Variants in PWWP3B observed in about 807,000 individuals in gnomAD.
PWWP3B encodes PWWP domain containing 3B.
Under a neutral mutation model 15.7 loss-of-function variants are expected in PWWP3B, and 5 were observed. The ratio of observed to expected loss-of-function variants is 0.32; its 90% CI spans 0.17 to 0.67. The LOEUF is 0.67. PWWP3B is among the 30% of genes least tolerant of loss of function. The pLI, the probability that PWWP3B is intolerant of heterozygous loss-of-function variation, is 0.74. For missense variants in PWWP3B, 519 were observed against 493.1 expected, an observed-to-expected ratio of 1.05 and a Z score of -0.50; for synonymous variants, 203 against 179.8, an observed-to-expected ratio of 1.13 and a Z score of -1.03.
At chrX:106,179,382 CAAAG>C (rs1464845438) in intron 2 of PWWP3B, among the ~76,000 whole-genome samples, 11 of 112,016 alleles carry the variant, frequency 9.8e-5, no homozygotes, top group African/African-American at 3.6e-4. Context: ...ACATAACTGA[CAAAG>C]AGAGCATTTC....
chrX:106,192,040 A>T (rs1276361353), intron 2 of PWWP3B, among the ~76,000 whole-genome samples: 1 of 111,656 alleles, frequency 9.0e-6, no homozygotes, highest in African/African-American at 3.3e-5. Context: ...TGGTATCAGG[A>T]TGATGCTGGC....
intron 2 of PWWP3B, among the ~76,000 whole-genome samples, chrX:106,201,110 A>G (rs903109599): frequency 2.7e-5 from 3 of 111,632 alleles, no homozygotes; most frequent in African/African-American, 9.7e-5. Flanking sequence ...TTAATTATCG[A>G]TGAGGGCATA....
At chrX:106,191,418 T>G (rs2147614926) in intron 2 of PWWP3B, among the ~76,000 whole-genome samples, 1 of 111,954 alleles carries the variant, frequency 8.9e-6, no homozygotes, top group Admixed American at 9.5e-5. Flanking sequence ...TGAAGTTGCT[T>G]ATCAGCTTGA....
chrX:106,177,313 G>C (rs960442289), intron 2 of PWWP3B: 9 of 112,866 alleles, frequency 8.0e-5, no homozygotes, highest in Non-Finnish European at 1.7e-4. Context: ...CCAGTATTGG[G>C]GGAGGGGCAG....
At chrX:106,187,081 C>T (rs1395831850) in intron 2 of PWWP3B, among the ~76,000 whole-genome samples, 2 of 111,745 alleles carry the variant, frequency 1.8e-5, no homozygotes, top group African/African-American at 6.5e-5. Flanking sequence ...TAATTTTTGT[C>T]CTGTCCTGGT....
intron 2 of PWWP3B, among the ~76,000 whole-genome samples, chrX:106,191,285 G>T (rs1365281838): frequency 2.7e-5 from 3 of 110,346 alleles, no homozygotes; most frequent in Non-Finnish European, 5.7e-5. Context: ...GGATTCCTAG[G>T]TATTTTATTC....
At chrX:106,174,257 G>C (rs1388311117) in intron 2 of PWWP3B, among the ~76,000 whole-genome samples, 1 of 111,693 alleles carries the variant, frequency 9.0e-6, no homozygotes, top group Non-Finnish European at 1.9e-5. Context: ...TGTGGCAGGA[G>C]ATGTGTTTAC....
intron 2 of PWWP3B, among the ~76,000 whole-genome samples, chrX:106,181,810 G>C (rs1911857712): frequency 8.9e-6 from 1 of 111,867 alleles, no homozygotes. Context: ...CTCATTTGGG[G>C]TTCCATTTGT....
At position 106,200,849 on chromosome X, in the gene PWWP3B, T is replaced by A. The variant is rs181500570; in HGVS notation, c.-400-3136T>A. 2.7e-5 allele frequency among the ~76,000 whole-genome samples: 3 copies of A among 109,994 alleles called. No homozygotes were observed. In the East Asian group the frequency reaches 8.6e-4, roughly 31 times the overall value. ...GGATCATGAGGTCAGGAGATCGAGA[T>A]CATCCTGGCTAACACGGTGAAACCC... is the stretch of plus-strand genomic sequence containing the variant. On this transcript the variant is annotated intron_variant, in intron 2 of 3. Coordinates refer to ENST00000357175, the MANE Select transcript of PWWP3B (RefSeq NM_001171020.2).
In PWWP3B at chrX:106,203,018, T is replaced by A. The variant is rs191964248; in HGVS notation, c.-400-967T>A. On this transcript the variant is annotated intron_variant, in intron 2 of 3. Coordinates refer to ENST00000357175, the MANE Select transcript of PWWP3B (RefSeq NM_001171020.2). ...ATCTTCGGGGAAATATTGAGATAAA[T>A]GCTACAGGCTTGGGGGAAAACCTCA... 4.5e-4 allele frequency among the ~76,000 whole-genome samples: 50 copies of A among 111,478 alleles called. No individual in the cohort carries two copies. In the East Asian group the frequency reaches 0.014, roughly 30 times the overall value.
At position 106,208,051 on chromosome X, in the gene PWWP3B, C is replaced by T. The variant is rs1924147981; in HGVS notation, c.*528C>T. 1 of 123,616 alleles carries T rather than the reference C, an allele frequency of 8.1e-6. No homozygotes were observed. The highest frequency in any genetic ancestry group is 1.9e-5 in the Non-Finnish European group (1 of 53,426). 10.2% of individuals were successfully genotyped at this position (123,616 alleles called of 1,213,427 possible). ...AAAAAAATTATCTGCTATATAGAAC[C>T]AAAGATAGATTCGCTTTGCTATATA... On this transcript the variant is annotated 3_prime_UTR_variant, in exon 4 of 4. Transcript: ENST00000357175.
At chrX:106,169,073 A>G (rs2071530618) in intron 1 of PWWP3B, among the ~76,000 whole-genome samples, 1 of 111,787 alleles carries the variant, frequency 8.9e-6, no homozygotes, top group Admixed American at 9.6e-5. Flanking sequence ...AACACAACAA[A>G]CAATATACTT....
At chrX:106,191,608 T>C (rs1473203855) in intron 2 of PWWP3B, among the ~76,000 whole-genome samples, 3 of 111,652 alleles carry the variant, frequency 2.7e-5, no homozygotes, top group Non-Finnish European at 5.6e-5. Context: ...AGGGCATCCC[T>C]GTCTTGTGCC....
intron 2 of PWWP3B, among the ~76,000 whole-genome samples, chrX:106,189,912 C>T (rs1358839883): frequency 1.7e-4 from 19 of 112,441 alleles, no homozygotes; most frequent in African/African-American, 6.1e-4. Flanking sequence ...CCACCGCGCC[C>T]GGCGCCACAT....
chrX:106,191,752 G>T (rs778941223), intron 2 of PWWP3B, among the ~76,000 whole-genome samples: 2 of 111,181 alleles, frequency 1.8e-5, no homozygotes, highest in Admixed American at 9.5e-5. Context: ...TAGCATGAAG[G>T]GTTGTTGAAT....
At chrX:106,203,221 G>A (rs1330319126) in intron 2 of PWWP3B, among the ~76,000 whole-genome samples, 1 of 111,768 alleles carries the variant, frequency 8.9e-6, no homozygotes, top group Non-Finnish European at 1.9e-5. Flanking sequence ...TATTTGTCTA[G>A]AGTTGTACTT....
chrX:106,169,133 A>C (rs992154877), intron 1 of PWWP3B, among the ~76,000 whole-genome samples: 1 of 111,157 alleles, frequency 9.0e-6, no homozygotes, highest in Admixed American at 9.6e-5. Flanking sequence ...AAAAGGAGGA[A>C]ATTTTCCACT....
chrX:106,199,891 C>T (rs972556175), intron 2 of PWWP3B, among the ~76,000 whole-genome samples: 6 of 111,076 alleles, frequency 5.4e-5, no homozygotes, highest in Non-Finnish European at 9.4e-5. Flanking sequence ...ATATGATATA[C>T]GATTGTAAAA....
intron 2 of PWWP3B, among the ~76,000 whole-genome samples, chrX:106,193,284 C>G (rs1435005321): frequency 9.0e-6 from 1 of 111,276 alleles, no homozygotes; most frequent in Non-Finnish European, 1.9e-5. Context: ...ATCCCTTTAC[C>G]ATTATGTAAT....
Sources: allele counts gnomAD v4.1 joint callset (sites outside exome capture counted in the v4.1 genomes callset), GRCh38; gene constraint gnomAD v4.1.1; transcripts MANE v1.5; gene names NCBI Gene and HGNC (gene_info 2026-07-23, HGNC 2026-07-21).